ANO2: variants seen among roughly 807,000 people sequenced by gnomAD.
ANO2 encodes the protein anoctamin-2.
ANO2 carries 101 observed loss-of-function variants against 124.2 expected under a neutral mutation model. The observed-to-expected ratio is 0.81, with a 90% CI of 0.69 to 0.96. ANO2 has a LOEUF of 0.96. ANO2 is among the 40% of genes least tolerant of loss of function. The pLI is 0.00. For synonymous variants in ANO2, 486 were observed against 482.5 expected (o/e 1.01, Z -0.09); for missense variants, 1,293 against 1,274.5 (o/e 1.01, Z -0.22).
rs1268718881 is a variant in ANO2 at position 5,832,464 on chromosome 12, T to C, written c.773A>G (p.Glu258Gly). 1.2e-6 allele frequency: 2 copies of C among 1,613,848 alleles called. No homozygotes were observed. Among genetic ancestry groups the C allele is most frequent in the African/African-American group, 2.7e-5 (2 of 74,930 alleles). The change falls in exon 5 of 25, where the codon GAG (glutamate) becomes GGG (glycine). Residue 258 changes from glutamate to glycine, a missense_variant. Coordinates refer to ENST00000682330, the MANE Select transcript of ANO2 (RefSeq NM_001364791.2). ...MKNLSYPFSR[E>G]KMYLYNIQEK... ...CTTCAATACTCACAGGTACATCTTCTCCCTGGAGAATGGGTAGGAGAGGTT... is the reference window on the plus strand; with the variant it reads ...CTTCAATACTCACAGGTACATCTTCCCCCTGGAGAATGGGTAGGAGAGGTT...
intron 14 of ANO2, among the ~76,000 whole-genome samples, chr12:5,686,854 C>T (rs1487573419): frequency 6.6e-6 from 1 of 152,222 alleles, no homozygotes; most frequent in Non-Finnish European, 1.5e-5. Context: ...TATGAGCCCA[C>T]CTTGTCACTT....
chr12:5,583,067 C>G (rs922945509), intron 20 of ANO2, among the ~76,000 whole-genome samples: 2 of 152,212 alleles, frequency 1.3e-5, no homozygotes, highest in Non-Finnish European at 2.9e-5. Context: ...CACTCACCAT[C>G]TTTTGTGGTG....
chr12:5,595,561 T>C (rs890983612), intron 20 of ANO2, among the ~76,000 whole-genome samples: 2 of 152,114 alleles, frequency 1.3e-5, no homozygotes, highest in African/African-American at 4.8e-5. Context: ...TGCTAGACTC[T>C]GGAGGCTGTG....
At chr12:5,589,558 C>T (rs1439046506) in intron 20 of ANO2, among the ~76,000 whole-genome samples, 2 of 152,120 alleles carry the variant, frequency 1.3e-5, no homozygotes, top group African/African-American at 2.4e-5. Context: ...CAGGCTTACC[C>T]AATATGTTTT....
chr12:5,750,583 A>G (rs1951402706), intron 11 of ANO2, among the ~76,000 whole-genome samples: 1 of 152,216 alleles, frequency 6.6e-6, no homozygotes. Flanking sequence ...CCCACATCAG[A>G]CACATCCCCC....
At chr12:5,709,932 G>C (rs767265988) in intron 14 of ANO2, among the ~76,000 whole-genome samples, 81 of 152,320 alleles carry the variant, frequency 5.3e-4, no homozygotes, top group Middle Eastern at 3.4e-3. Context: ...AATACAAAAT[G>C]AAAGTGAAAA....
intron 19 of ANO2, among the ~76,000 whole-genome samples, chr12:5,610,144 ATATT>A (rs1944426774): frequency 7.6e-6 from 1 of 131,546 alleles, no homozygotes; most frequent in African/African-American, 2.9e-5. Context: ...TTATATAAAT[ATATT>A]TATATATACA....
At chr12:5,598,029 A>ACAT (rs1943747334) in intron 20 of ANO2, among the ~76,000 whole-genome samples, 1 of 152,220 alleles carries the variant, frequency 6.6e-6, no homozygotes, top group Non-Finnish European at 1.5e-5. Flanking sequence ...AGAATTGTAG[A>ACAT]CATCCCAGGG....
At chr12:5,854,571 T>C (rs1295213481) in intron 3 of ANO2, among the ~76,000 whole-genome samples, 2 of 152,204 alleles carry the variant, frequency 1.3e-5, no homozygotes, top group East Asian at 1.9e-4. Context: ...CATGTTTTCA[T>C]TGTTTATTGT....
intron 24 of ANO2, 38 bp from the exon 25 acceptor site, chr12:5,563,606 G>C (rs1941577115): frequency 3.1e-6 from 5 of 1,607,532 alleles, no homozygotes; most frequent in Non-Finnish European, 4.3e-6. Flanking sequence ...GAGTTGGAGA[G>C]GCCCGGCCTG....
chr12:5,916,492 T>TAAAAAAAAAAAAAAAA (rs57056611), intron 3 of ANO2, among the ~76,000 whole-genome samples: 1 of 93,160 alleles, frequency 1.1e-5, no homozygotes, highest in Admixed American at 1.3e-4. Context: ...CGCAGCAGGT[T>TAAAAAAAAAAAAAAAA]AAAAAAAAAA....
chr12:5,732,951 G>A (rs1410128159), intron 13 of ANO2: 34 of 1,547,986 alleles, frequency 2.2e-5, no homozygotes, highest in Non-Finnish European at 2.9e-5. Context: ...GGGGCCCAGT[G>A]CTTTGCAGAG....
chr12:5,753,423 T>TG (rs1180694625), intron 10 of ANO2, among the ~76,000 whole-genome samples: 3 of 152,204 alleles, frequency 2.0e-5, no homozygotes, highest in Non-Finnish European at 4.4e-5. Context: ...TATCTGTAGC[T>TG]GTCTGCTTAG....
chr12:5,777,894 A>G (rs944935725), intron 10 of ANO2, among the ~76,000 whole-genome samples: 6 of 152,220 alleles, frequency 3.9e-5, no homozygotes, highest in African/African-American at 1.4e-4. Flanking sequence ...CCCAAATGTC[A>G]AACACTGGGA....
chr12:5,863,667 T>C (rs1955340951), intron 3 of ANO2, among the ~76,000 whole-genome samples: 1 of 152,142 alleles, frequency 6.6e-6, no homozygotes, highest in South Asian at 2.1e-4. Context: ...TTTGAACACA[T>C]GTCAAAACTC....
At chr12:5,577,734 C>A (rs1942495399) in intron 22 of ANO2, among the ~76,000 whole-genome samples, 1 of 152,202 alleles carries the variant, frequency 6.6e-6, no homozygotes, top group African/African-American at 2.4e-5. Context: ...GGATAATTAC[C>A]TTTCTTTCTC....
intron 14 of ANO2, among the ~76,000 whole-genome samples, chr12:5,662,285 C>T (rs567661215): frequency 3.9e-4 from 60 of 152,320 alleles, no homozygotes; most frequent in African/African-American, 1.4e-3. Context: ...AAATTCCTCA[C>T]TACACACAAA....
intron 1 of ANO2, among the ~76,000 whole-genome samples, chr12:5,941,012 C>T (rs1402609055): frequency 6.6e-6 from 1 of 152,152 alleles, no homozygotes; most frequent in African/African-American, 2.4e-5. Context: ...AAATGCCACA[C>T]ATTGTATGGT....
chr12:5,575,898 T>G lies in ANO2; in HGVS notation c.2557A>C (p.Ser853Arg). 1 of 1,613,880 alleles carries G rather than the reference T, an allele frequency of 6.2e-7. No individual in the cohort carries two copies. The highest frequency in any genetic ancestry group is 8.5e-7 in the Non-Finnish European group (1 of 1,179,840). The stretch of plus-strand genomic sequence containing the variant: ...GGCTGCGTCCCCTCCTTCAGCTGGC[T>G]GACGTTGAAAAAGGAGAGGGTGTGG... Reference protein sequence around the residue: ...VNHTLSFFNVSQLKEGTQPEN... With the variant: ...VNHTLSFFNVRQLKEGTQPEN... The change falls in exon 23 of 25, where the codon AGC becomes CGC. Residue 853 changes from serine to arginine, a missense_variant. Physicochemically the swap from Ser to Arg is moderately radical, Grantham distance 110 (BLOSUM62 -1). Transcript: ENST00000682330.
Sources: gnomAD v4.1 joint callset for allele counts (sites outside exome capture counted in the v4.1 genomes callset) on GRCh38, gnomAD v4.1.1 for gene constraint, MANE v1.5 for transcripts, NCBI Gene and HGNC (gene_info 2026-07-23, HGNC 2026-07-21) for gene names.